Variants in KLF5 observed in about 807,000 individuals in gnomAD.
The protein encoded by KLF5 is KLF transcription factor 5, also known as Krueppel-like factor 5.
A neutral mutation model predicts 36.9 loss-of-function variants in KLF5; 9 were observed. The observed-to-expected ratio is 0.24, with a 90% CI of 0.15 to 0.43. The LOEUF is 0.43. Ranked by LOEUF, KLF5 falls within the 20% of genes least tolerant of loss-of-function variation. The pLI is 1.00. For missense variants in KLF5, 524 were observed against 599.5 expected (o/e 0.87, Z 1.31); for synonymous variants, 246 against 241.7 (o/e 1.02, Z -0.17).
Position 73,059,580 on chromosome 13 carries a change from C to G in KLF5, c.253C>G (p.Leu85Val). The G allele has an allele frequency of 3.4e-6, 4 of 1,165,930 alleles. No individual in the cohort carries two copies. Among genetic ancestry groups the G allele is most frequent in the Non-Finnish European group, 4.2e-6 (4 of 948,558 alleles). 72.2% of individuals were successfully genotyped at this position (1,165,930 alleles called of 1,614,324 possible). A position where few individuals can be genotyped will look rare whatever the true frequency, so the allele number is the denominator to read the frequency against. The change falls in exon 1 of 4, where the codon CTG becomes GTG. Residue 85 changes from leucine to valine, a missense_variant. This residue lies in a region of KLF5 where 454 missense variants were observed against 458.1 expected (regional missense o/e 0.99). Coordinates refer to ENST00000377687, the MANE Select transcript of KLF5 (RefSeq NM_001730.5). ...CGGCCCGCGGCTGCCTCCAGAGGAC[C>G]TGGTCCAGGTAGGAAGAGCCGCTCC... ...ATGPRLPPED[L>V]VQTRCEMEKY... is the part of the protein sequence containing the mutation.
At position 73,061,987 on chromosome 13, in the gene KLF5, T is replaced by A; in HGVS notation, c.388T>A (p.Leu130Ile). The A allele has an allele frequency of 6.2e-7, 1 of 1,614,146 alleles. No homozygotes were observed. The highest frequency in any genetic ancestry group is 8.5e-7 in the Non-Finnish European group (1 of 1,180,010). ...CCAGTTCTTCACTGACACTGAAGGG[T>A]TACCTTACAGTATCAACATGAACGT... The part of the protein sequence containing the change: ...VDQFFTDTEG[L>I]PYSINMNVFL... Residue 130 changes from leucine to isoleucine, a missense_variant, in exon 2 of 4, where the codon TTA becomes ATA. By Grantham distance (5) the Leu-to-Ile change is conservative (BLOSUM62 2). This residue lies in a region of KLF5 where 454 missense variants were observed against 458.1 expected (regional missense o/e 0.99). Coordinates refer to ENST00000377687, the MANE Select transcript of KLF5 (RefSeq NM_001730.5).
chr13:73,067,839 CTTCT>C (rs1163250099), intron 3 of KLF5, among the ~76,000 whole-genome samples: 1 of 141,274 alleles, frequency 7.1e-6, no homozygotes, highest in Non-Finnish European at 1.6e-5. Context: ...AAAATTCACT[CTTCT>C]TTTTTTTTTT....
rs1017741584 is a variant in KLF5, at chr13:73,077,309, A to G, written c.*1423A>G. On this transcript the variant is annotated 3_prime_UTR_variant, in exon 4 of 4. Coordinates refer to ENST00000377687, the MANE Select transcript of KLF5 (RefSeq NM_001730.5). ...GATGTAAATAGATGACAAACGATGTAAATAATTTTGTAAGAGGCTTCAAAA... is the reference window on the plus strand; with the variant it reads ...GATGTAAATAGATGACAAACGATGTGAATAATTTTGTAAGAGGCTTCAAAA... 14 of 152,674 alleles carry G rather than the reference A, an allele frequency of 9.2e-5. No homozygotes were observed. The highest frequency in any genetic ancestry group is 7.8e-4 in the Admixed American group (12 of 15,288). The allele number at this position is 152,674 out of a possible 1,614,324, so 9.5% of individuals were successfully genotyped here.
chr13:73,061,739 T>C, intron 1 of KLF5, 122 bp from the exon 2 acceptor site: 1 of 808,210 alleles, frequency 1.2e-6, no homozygotes, highest in Non-Finnish European at 2.0e-6. Flanking sequence ...TAAGCAACAC[T>C]GAGGAGTTTG....
At chr13:73,067,383 T>C (rs530965437) in intron 3 of KLF5, among the ~76,000 whole-genome samples, 115 of 152,350 alleles carry the variant, frequency 7.5e-4, no homozygotes, top group Non-Finnish European at 1.5e-3. Context: ...GGAAAATATA[T>C]TGACTGTATC....
intron 1 of KLF5, 82 bp downstream of exon 1, chr13:73,059,670 C>T: frequency 9.6e-7 from 1 of 1,037,948 alleles, no homozygotes; most frequent in Non-Finnish European, 1.2e-6. Context: ...GCGACAGGGG[C>T]CGCTCCAGGC....
chr13:73,076,975 TTTAG>T lies in KLF5; in HGVS notation c.*1093_*1096del, dbSNP rs2044767435. The stretch of plus-strand genomic sequence containing the variant: ...TAATTTTATCTAAATTACAGTGCAG[TTTAG>T]TTAATCTATTAATACTGACTCAGTG... On this transcript the variant is annotated 3_prime_UTR_variant, in exon 4 of 4. Transcript: ENST00000377687. 2 of 152,484 alleles carry T rather than the reference TTTAG, an allele frequency of 1.3e-5. No individual in the cohort carries two copies. The highest frequency in any genetic ancestry group is 2.9e-5 in the Non-Finnish European group (2 of 68,036). 9.4% of individuals were successfully genotyped at this position (152,484 alleles called of 1,614,324 possible).
At chr13:73,072,546 A>C (rs1162853890) in intron 3 of KLF5, among the ~76,000 whole-genome samples, 1 of 152,206 alleles carries the variant, frequency 6.6e-6, no homozygotes, top group Non-Finnish European at 1.5e-5. Flanking sequence ...GTGTTCCTTA[A>C]ATCGTTCAAA....
intron 2 of KLF5, 22 bp from the exon 3 acceptor site, chr13:73,063,802 A>T (rs1416752738): frequency 1.3e-6 from 2 of 1,549,376 alleles, no homozygotes; most frequent in Non-Finnish European, 1.8e-6. Flanking sequence ...CCAAAATGAC[A>T]TGCTGTTCTC....
At chr13:73,059,781 G>T (rs943062062) in intron 1 of KLF5, 193 bp downstream of exon 1, 22 of 734,306 alleles carry the variant, frequency 3.0e-5, no homozygotes, top group Non-Finnish European at 3.5e-5. Flanking sequence ...AAATGGGGGG[G>T]GGGGCCGGGG....
At chr13:73,073,573 TATTTA>T (rs2044737317) in intron 3 of KLF5, among the ~76,000 whole-genome samples, 1 of 152,242 alleles carries the variant, frequency 6.6e-6, no homozygotes, top group Non-Finnish European at 1.5e-5. Context: ...TCAGTTCTGC[TATTTA>T]ATTATTAAAT....
chr13:73,069,195 A>G (rs1047635711), intron 3 of KLF5, among the ~76,000 whole-genome samples: 1 of 152,240 alleles, frequency 6.6e-6, no homozygotes, highest in Admixed American at 6.5e-5. Flanking sequence ...TGTTCTGAAC[A>G]TAAGTTACTC....
intron 1 of KLF5, chr13:73,060,457 T>TATTTCA (rs2044626278): frequency 6.6e-6 from 1 of 152,218 alleles, no homozygotes; most frequent in Non-Finnish European, 1.5e-5. Context: ...CGAAAGGGTT[T>TATTTCA]AGTTCAGTTT....
In KLF5 at chr13:73,062,480, C is replaced by T; in HGVS notation, c.881C>T (p.Pro294Leu). Residue 294 changes from proline (P) to leucine (L), a missense_variant, in exon 2 of 4, where the codon CCA (proline) becomes CTA (leucine). Around this residue, in one of 4 missense-constraint regions of KLF5, gnomAD observed 454 missense variants for 458.1 expected, o/e 0.99. Coordinates refer to ENST00000377687, the MANE Select transcript of KLF5 (RefSeq NM_001730.5). Reference sequence around the variant, plus strand: ...TACACAATGCCAAGTCAGTTTCTTCCACAACAGGCCACTTACTTTCCCCCG... The same window carrying T: ...TACACAATGCCAAGTCAGTTTCTTCTACAACAGGCCACTTACTTTCCCCCG... Reference protein sequence around the residue: ...CTYTMPSQFLPQQATYFPPSP... With the variant: ...CTYTMPSQFLLQQATYFPPSP... 1 of 1,614,172 alleles carries T rather than the reference C, an allele frequency of 6.2e-7. No individual in the cohort carries two copies. Among genetic ancestry groups the T allele is most frequent in the Non-Finnish European group, 8.5e-7 (1 of 1,180,042 alleles).
intron 1 of KLF5, chr13:73,060,631 T>A (rs1566563011): frequency 1.3e-5 from 2 of 152,204 alleles, no homozygotes; most frequent in African/African-American, 4.8e-5. Context: ...AAATCATGTC[T>A]ATCCGGGAAA....
Position 73,062,116 on chromosome 13 carries a change from A to C in KLF5, c.517A>C (p.Ser173Arg). The part of the protein sequence containing the change: ...TEPVAIFSHQ[S>R]ETTAPPPAPT... ...ACCTGTTGCCATTTTCAGCCACCAGAGTGAAACGACTGCCCCTCCTCCGGC... is the reference window on the plus strand; with the variant it reads ...ACCTGTTGCCATTTTCAGCCACCAGCGTGAAACGACTGCCCCTCCTCCGGC... Residue 173 changes from serine to arginine, a missense_variant, in exon 2 of 4, where the codon AGT becomes CGT. Transcript: ENST00000377687. The C allele has an allele frequency of 6.2e-7, 1 of 1,614,104 alleles. No individual in the cohort carries two copies. Among genetic ancestry groups the C allele is most frequent in the Non-Finnish European group, 8.5e-7 (1 of 1,180,026 alleles).
At chr13:73,069,358 T>G (rs2044706274) in intron 3 of KLF5, among the ~76,000 whole-genome samples, 5 of 152,204 alleles carry the variant, frequency 3.3e-5, no homozygotes, top group Admixed American at 2.0e-4. Flanking sequence ...TTGGTAGAGA[T>G]AACACAGGCA....
At chr13:73,075,006 T>C (rs1182247319) in intron 3 of KLF5, 1 of 152,168 alleles carries the variant, frequency 6.6e-6, no homozygotes, top group African/African-American at 2.4e-5. Context: ...GGTCTTTTTT[T>C]TTTACCAATG....
chr13:73,075,287 G>A (rs1297651867), intron 3 of KLF5, among the ~76,000 whole-genome samples: 2 of 152,158 alleles, frequency 1.3e-5, no homozygotes, highest in South Asian at 4.1e-4. Flanking sequence ...CCACCTTACA[G>A]CCATTAGTCC....
Sources: allele counts gnomAD v4.1 joint callset (sites outside exome capture counted in the v4.1 genomes callset), GRCh38; gene constraint gnomAD v4.1.1; regional missense constraint gnomAD v4.1.1; transcripts MANE v1.5; gene names NCBI Gene and HGNC (gene_info 2026-07-23, HGNC 2026-07-21).